Variants in RPL7 observed in about 807,000 individuals in gnomAD.
RPL7 encodes the protein large ribosomal subunit protein uL30.
For missense variants in RPL7, 205 were observed against 301.9 expected, an observed-to-expected ratio of 0.68 and a Z score of 2.38; for synonymous variants, 100 against 102.2, an observed-to-expected ratio of 0.98 and a Z score of 0.13.
At chr8:73,290,972 A>C in intron 6 of RPL7, 71 bp downstream of exon 6, 1 of 1,184,182 alleles carries the variant, frequency 8.4e-7, no homozygotes. Context: ...ATTTAATGGG[A>C]AAAGTATTCA....
chr8:73,291,995 C>T (rs1179918828), intron 3 of RPL7, 85 bp from the exon 4 acceptor site: 2 of 1,507,670 alleles, frequency 1.3e-6, no homozygotes, highest in East Asian at 4.6e-5. Context: ...AATATCGAAT[C>T]CTACCTAAAC....
intron 1 of RPL7, chr8:73,293,037 A>G (rs987266231): frequency 1.0e-5 from 4 of 381,488 alleles, no homozygotes; most frequent in South Asian, 1.0e-4. Context: ...GTTTTTCCCT[A>G]TTTCAACCAA....
chr8:73,291,613 A>G lies in RPL7; in HGVS notation c.477T>C (p.Tyr159=), dbSNP rs1814098898. The stretch of plus-strand genomic sequence containing the variant: ...CAATTCGCTTCTTATTGATTTTGCC[A>G]TAACCACGCTTGTAGATTAGTTCAT... ...SVNELIYKRG[Y]GKINKKRIAL... The change falls in exon 5 of 7, where the codon TAT becomes TAC. Residue 159 remains tyrosine, a synonymous_variant. Coordinates refer to ENST00000352983, the MANE Select transcript of RPL7 (RefSeq NM_000971.4). 6.3e-7 allele frequency: 1 copy of G among 1,599,344 alleles called. No homozygotes were observed. Among genetic ancestry groups the G allele is most frequent in the Non-Finnish European group, 8.6e-7 (1 of 1,168,016 alleles).
intron 3 of RPL7, 68 bp from the exon 4 acceptor site, chr8:73,291,978 A>G (rs542703869): frequency 1.1e-5 from 17 of 1,568,396 alleles, no homozygotes; most frequent in Middle Eastern, 1.7e-4. Flanking sequence ...TAACCATTAT[A>G]GTTTTGAATA....
intron 5 of RPL7, 50 bp from the exon 6 acceptor site, chr8:73,291,302 AAAT>A (rs1234085256): frequency 1.4e-6 from 2 of 1,445,262 alleles, no homozygotes; most frequent in African/African-American, 2.9e-5. Flanking sequence ...AAAAGTTTTG[AAAT>A]AATTATTCAA....
At chr8:73,291,296 G>GA in intron 5 of RPL7, 44 bp from the exon 6 acceptor site, 1 of 1,486,470 alleles carries the variant, frequency 6.7e-7, no homozygotes, top group Non-Finnish European at 9.2e-7. Flanking sequence ...GTTGCAAAAA[G>GA]TTTTGAAATA....
chr8:73,291,409 C>A lies in RPL7; in HGVS notation c.538+143G>T. Reference sequence around the variant, plus strand: ...AAAGATAAGGTTCAAGCTAATGAAACCATGTCTTACGTTTTCTTTTAAGCT... The same window carrying A: ...AAAGATAAGGTTCAAGCTAATGAAAACATGTCTTACGTTTTCTTTTAAGCT... On this transcript the variant is annotated intron_variant, in intron 5 of 6. Transcript: ENST00000352983. 1.7e-5 allele frequency: 14 copies of A among 845,264 alleles called. No individual in the cohort carries two copies. The South Asian group carries it at 2.6e-4, about 16-fold the overall frequency. 52.4% of individuals were successfully genotyped at this position (845,264 alleles called of 1,614,324 possible).
At chr8:73,291,419 C>T (rs1373557201) in intron 5 of RPL7, 133 bp downstream of exon 5, 1 of 860,900 alleles carries the variant, frequency 1.2e-6, no homozygotes, top group East Asian at 2.7e-5. Context: ...CCATGTCTTA[C>T]GTTTTCTTTT....
At chr8:73,291,435 A>G (rs1814093002) in intron 5 of RPL7, 117 bp downstream of exon 5, 8 of 909,020 alleles carry the variant, frequency 8.8e-6, no homozygotes, top group South Asian at 3.5e-5. Context: ...CTTTTAAGCT[A>G]AATCAAGAAT....
chr8:73,292,647 A>G (rs750033992), intron 2 of RPL7, 42 bp downstream of exon 2: 1 of 1,426,748 alleles, frequency 7.0e-7, no homozygotes. Flanking sequence ...AATCCCAATA[A>G]GGCGCCTCCT....
chr8:73,292,444 A>T (rs759551634), intron 2 of RPL7, 39 bp from the exon 3 acceptor site: 1 of 1,548,844 alleles, frequency 6.5e-7, no homozygotes, highest in Non-Finnish European at 8.8e-7. Context: ...TTTTTAGCTC[A>T]ATCACAATTA....
At position 73,291,925 on chromosome 8, in the gene RPL7, G is replaced by A; in HGVS notation, c.291-15C>T. 1.2e-6 allele frequency: 2 copies of A among 1,604,732 alleles called. No individual in the cohort carries two copies. The highest frequency in any genetic ancestry group is 1.7e-6 in the Non-Finnish European group (2 of 1,172,262). On this transcript the variant is annotated splice_polypyrimidine_tract_variant and intron_variant, in intron 3 of 6. Coordinates refer to ENST00000352983, the MANE Select transcript of RPL7 (RefSeq NM_000971.4). Reference sequence around the variant, plus strand: ...CTCCATTGATACTGTGGTGAAAACGGACCAGAAATGCATTTGCCTTTCATC... The same window carrying A: ...CTCCATTGATACTGTGGTGAAAACGAACCAGAAATGCATTTGCCTTTCATC...
At chr8:73,292,630 C>A (rs1814129505) in intron 2 of RPL7, 59 bp downstream of exon 2, 1 of 1,278,660 alleles carries the variant, frequency 7.8e-7, no homozygotes. Context: ...ACATTCACCT[C>A]ATCCTCAATC....
chr8:73,293,172 A>G (rs1340934840), intron 1 of RPL7: 1 of 231,532 alleles, frequency 4.3e-6, no homozygotes. Flanking sequence ...AAGCGCAAAA[A>G]TTAAAAAATA....
upstream of RPL7, chr8:73,293,637 T>C (rs148142039): frequency 1.2e-6 from 2 of 1,613,432 alleles, no homozygotes; most frequent in Non-Finnish European, 1.7e-6. Flanking sequence ...AAAGAGGAAG[T>C]TGGCGCATGC....
chr8:73,291,813 T>C lies in RPL7; in HGVS notation c.388A>G (p.Ile130Val), dbSNP rs1212766840. 1 of 1,611,632 alleles carries C rather than the reference T, an allele frequency of 6.2e-7. No homozygotes were observed. Among genetic ancestry groups the C allele is most frequent in the South Asian group, 1.1e-5 (1 of 91,042 alleles). ...GGCTCTACAATCCTCAGCATGTTAA[T>C]CGAAGCCTTGTTGAGCTTCACAAAG... ...GTFVKLNKAS[I>V]NMLRIVEPYI... is the part of the protein sequence containing the mutation. The change falls in exon 4 of 7, where the codon ATT becomes GTT. Residue 130 changes from isoleucine (I) to valine (V), a missense_variant. Coordinates refer to ENST00000352983, the MANE Select transcript of RPL7 (RefSeq NM_000971.4).
At chr8:73,292,512 C>A in intron 2 of RPL7, 107 bp from the exon 3 acceptor site, 1 of 1,189,682 alleles carries the variant, frequency 8.4e-7, no homozygotes, top group Non-Finnish European at 1.2e-6. Flanking sequence ...CTTTTCTTGC[C>A]ACAGTATGCA....
rs763242647 is a variant in RPL7, at chr8:73,291,169, G to A, written c.622C>T (p.Leu208=). The change falls in exon 6 of 7, where the codon CTG becomes TTG. Residue 208 remains leucine, a synonymous_variant. Coordinates refer to ENST00000352983, the MANE Select transcript of RPL7 (RefSeq NM_000971.4). The stretch of plus-strand genomic sequence containing the variant: ...GGAGAAGACAATTTGAAGGGCCACA[G>A]GAAGTTATTTGCCTCTTTGAAGCGT... ...GKRFKEANNF[L]WPFKLSSPRG... 8 of 1,607,118 alleles carry A rather than the reference G, an allele frequency of 5.0e-6. No individual in the cohort carries two copies. Among genetic ancestry groups the A allele is most frequent in the Non-Finnish European group, 6.8e-6 (8 of 1,173,844 alleles).
At chr8:73,292,864 C>T (rs527757916) in intron 1 of RPL7, 67 bp from the exon 2 acceptor site, 76 of 1,164,120 alleles carry the variant, frequency 6.5e-5, no homozygotes, top group Non-Finnish European at 9.2e-5. Context: ...TACTCCCGTA[C>T]TGAGCAGTGT....
Sources: allele counts gnomAD v4.1 joint callset, GRCh38; gene constraint gnomAD v4.1.1; transcripts MANE v1.5; gene names NCBI Gene and HGNC (gene_info 2026-07-23, HGNC 2026-07-21).